Variants in KRABD2 observed in about 807,000 individuals in gnomAD.
The protein encoded by KRABD2 is KRAB domain containing 2, also known as KRAB domain-containing protein 2.
the KRABD2 span, among the ~76,000 whole-genome samples, chr17:8,373,049 A>G: frequency 6.6e-6 from 1 of 152,242 alleles, no homozygotes; most frequent in African/African-American, 2.4e-5. Flanking sequence ...ATTATCTAAT[A>G]GACCTATTTT....
At chr17:8,363,556 C>T in the KRABD2 span, among the ~76,000 whole-genome samples, 30 of 151,794 alleles carry the variant, frequency 2.0e-4, no homozygotes, top group African/African-American at 6.3e-4. Flanking sequence ...CCATTTTGGC[C>T]GGGTTGGTCT....
chr17:8,370,005 C>A, the KRABD2 span: 6 of 1,614,178 alleles, frequency 3.7e-6, no homozygotes, highest in Non-Finnish European at 5.1e-6. Context: ...ATGTCCAATA[C>A]TGAGATGTGT....
At chr17:8,363,932 G>A in the KRABD2 span, among the ~76,000 whole-genome samples, 92 of 148,368 alleles carry the variant, frequency 6.2e-4, no homozygotes, top group Admixed American at 1.6e-3. Flanking sequence ...GCAGTAGTGC[G>A]ATCTTGGTTC....
the KRABD2 span, among the ~76,000 whole-genome samples, chr17:8,371,018 A>AT: frequency 1.3e-5 from 2 of 152,108 alleles, no homozygotes; most frequent in Non-Finnish European, 2.9e-5. Flanking sequence ...AAAATACAAA[A>AT]TTTAGCCAGG....
chr17:8,369,140 G>A, the KRABD2 span: 2 of 1,612,062 alleles, frequency 1.2e-6, no homozygotes, highest in Admixed American at 3.3e-5. Context: ...CTGTTCACCA[G>A]CAGAGGAGAC....
the KRABD2 span, among the ~76,000 whole-genome samples, chr17:8,364,852 G>A: frequency 6.6e-6 from 1 of 152,026 alleles, no homozygotes; most frequent in Non-Finnish European, 1.5e-5. This position sits in a 1 kb window ranked among gnomAD's most constrained non-coding sequence, Gnocchi z 4.4. Flanking sequence ...TGGCCAAAAT[G>A]ACAAAACCCC....
the KRABD2 span, among the ~76,000 whole-genome samples, chr17:8,362,201 G>A: frequency 6.6e-6 from 1 of 152,068 alleles, no homozygotes; most frequent in East Asian, 1.9e-4. This position sits in a 1 kb window ranked among gnomAD's most constrained non-coding sequence, Gnocchi z 4.2. Flanking sequence ...GTGTTGGCGG[G>A]TGCCTGTAGT....
the KRABD2 span, chr17:8,369,095 A>G: frequency 6.4e-7 from 1 of 1,568,850 alleles, no homozygotes; most frequent in Non-Finnish European, 8.6e-7. Context: ...GACTATGCTC[A>G]GAGAGACACC....
the KRABD2 span, among the ~76,000 whole-genome samples, chr17:8,366,986 C>T: frequency 1.3e-5 from 2 of 152,038 alleles, no homozygotes; most frequent in East Asian, 3.9e-4. Flanking sequence ...CTCCAAAGTG[C>T]TGGGATTACA....
At chr17:8,362,224 G>C in the KRABD2 span, among the ~76,000 whole-genome samples, 2 of 152,222 alleles carry the variant, frequency 1.3e-5, no homozygotes, top group South Asian at 4.1e-4. This position sits in a 1 kb window ranked among gnomAD's most constrained non-coding sequence, Gnocchi z 4.2. Flanking sequence ...CAGCTACTTG[G>C]GAGGCTGAGG....
chr17:8,367,721 C>T, the KRABD2 span, among the ~76,000 whole-genome samples: 2 of 151,452 alleles, frequency 1.3e-5, no homozygotes, highest in Non-Finnish European at 2.9e-5. Flanking sequence ...GCAGAGGACC[C>T]TGCGGCCTTC....
At chr17:8,369,258 A>T in the KRABD2 span, 1 of 1,614,026 alleles carries the variant, frequency 6.2e-7, no homozygotes, top group African/African-American at 1.3e-5. Flanking sequence ...TTCCTGCCTG[A>T]TCCAAAGGCT....
the KRABD2 span, chr17:8,359,410 T>C: frequency 5.6e-6 from 2 of 359,756 alleles, no homozygotes; most frequent in Non-Finnish European, 1.1e-5. Flanking sequence ...GAAACTTAGC[T>C]TGTGTGACTT....
At chr17:8,363,784 A>G in the KRABD2 span, among the ~76,000 whole-genome samples, 5 of 146,088 alleles carry the variant, frequency 3.4e-5, no homozygotes, top group Non-Finnish European at 6.0e-5. Flanking sequence ...TATATATGTC[A>G]TACATATATA....
chr17:8,376,609 G>A, the KRABD2 span: 23 of 985,782 alleles, frequency 2.3e-5, no homozygotes, highest in Non-Finnish European at 2.6e-5. Flanking sequence ...GTGGAGAAAA[G>A]AGCTGCAGAC....
chr17:8,376,086 C>T, the KRABD2 span: 4 of 1,231,576 alleles, frequency 3.2e-6, no homozygotes, highest in Non-Finnish European at 4.0e-6. Flanking sequence ...TTTAGTCGAC[C>T]AGTTCAGATA....
chr17:8,361,477 G>A, the KRABD2 span, among the ~76,000 whole-genome samples: 19 of 152,338 alleles, frequency 1.2e-4, no homozygotes, highest in East Asian at 3.7e-3. Flanking sequence ...AAATTCATGT[G>A]CCTAGACCTG....
chr17:8,359,484 C>A, the KRABD2 span: 1 of 420,516 alleles, frequency 2.4e-6, no homozygotes. Flanking sequence ...CTGCATTTAG[C>A]AGTCTCTTTA....
At chr17:8,370,664 A>G in the KRABD2 span, among the ~76,000 whole-genome samples, 1 of 152,178 alleles carries the variant, frequency 6.6e-6, no homozygotes. Flanking sequence ...ATTAGCTTAT[A>G]GCAAGAAACC....
Sources: allele counts gnomAD v4.1 joint callset (sites outside exome capture counted in the v4.1 genomes callset), GRCh38; gene constraint gnomAD v4.1.1; non-coding constraint Gnocchi (gnomAD v3.1); transcripts MANE v1.5; gene names NCBI Gene and HGNC (gene_info 2026-07-23, HGNC 2026-07-21).